BAIAP2: variants seen among roughly 807,000 people sequenced by gnomAD.
BAIAP2 encodes the protein BAR/IMD domain containing adaptor protein 2.
BAIAP2 carries 18 observed loss-of-function variants against 63.0 expected under a neutral mutation model. The observed-to-expected ratio is 0.29, with a 90% confidence interval of 0.20 to 0.42. BAIAP2 has a LOEUF of 0.42. Among genes scored for constraint, BAIAP2 ranks in the 10% least tolerant of loss-of-function variants. The probability of loss-of-function intolerance (pLI) is 1.00; values close to 1 mark genes in which losing one functional copy is unlikely to be tolerated. For missense variants in BAIAP2, 610 were observed against 734.3 expected (o/e 0.83, Z 1.96); for synonymous variants, 386 against 307.6 (o/e 1.25, Z -2.67).
At chr17:81,066,236 G>A (rs1390413216) in intron 3 of BAIAP2, among the ~76,000 whole-genome samples, 6 of 152,232 alleles carry the variant, frequency 3.9e-5, no homozygotes, top group East Asian at 1.9e-4. Context: ...CCTGCTGGGC[G>A]CACTGGGCCT....
chr17:81,092,336 G>A (rs1451502685), intron 6 of BAIAP2, among the ~76,000 whole-genome samples: 1 of 152,240 alleles, frequency 6.6e-6, no homozygotes, highest in Non-Finnish European at 1.5e-5. Flanking sequence ...CCACTGCCGG[G>A]CTCATTGTGT....
chr17:81,036,701 G>C (rs889304209), intron 1 of BAIAP2, among the ~76,000 whole-genome samples: 14 of 152,262 alleles, frequency 9.2e-5, no homozygotes, highest in Non-Finnish European at 1.8e-4. Flanking sequence ...TGAGGAGTCG[G>C]CTTGGGAAAG....
At position 81,106,115 on chromosome 17, in the gene BAIAP2, G is replaced by C; in HGVS notation, c.1306G>C (p.Asp436His). 6.3e-7 allele frequency: 1 copy of C among 1,584,804 alleles called. No homozygotes were observed. The highest frequency in any genetic ancestry group is 1.2e-5 in the South Asian group (1 of 86,840). ...WFPFSYTRVL[D>H]SDGSDRLHMS... ...TCCCTTCTCCTACACCCGGGTCTTG[G>C]ACAGCGATGGCAGTGACAGGCTGCA... Residue 436 changes from aspartate (D) to histidine (H), a missense_variant, in exon 11 of 14, where the codon GAC becomes CAC. Around this residue, in one of 5 missense-constraint regions of BAIAP2, gnomAD observed 29 missense variants for 23.2 expected, o/e 1.25. Transcript: ENST00000428708.
At chr17:81,080,927 C>A (rs1406116706) in intron 3 of BAIAP2, among the ~76,000 whole-genome samples, 1 of 152,228 alleles carries the variant, frequency 6.6e-6, no homozygotes, top group Non-Finnish European at 1.5e-5. Context: ...TGCTTCACCT[C>A]TTTGTGAACT....
At chr17:81,091,466 C>T (rs1046432393) in intron 6 of BAIAP2, among the ~76,000 whole-genome samples, 6 of 152,080 alleles carry the variant, frequency 3.9e-5, no homozygotes, top group African/African-American at 1.2e-4. Context: ...GAGTATAGTT[C>T]ACGGTGCCCC....
intron 1 of BAIAP2, among the ~76,000 whole-genome samples, chr17:81,048,110 A>G (rs2048102308): frequency 1.3e-5 from 2 of 152,172 alleles, no homozygotes; most frequent in Admixed American, 1.3e-4. Context: ...CCTGGCCGGG[A>G]GCAGTGGCTC....
chr17:81,067,210 G>C (rs577077633), intron 3 of BAIAP2, among the ~76,000 whole-genome samples: 1 of 152,242 alleles, frequency 6.6e-6, no homozygotes, highest in Non-Finnish European at 1.5e-5. Flanking sequence ...ACTCCGGCAG[G>C]GGTGCTCCAG....
chr17:81,064,811 GTT>G (rs1568102006), intron 3 of BAIAP2, among the ~76,000 whole-genome samples: 1 of 152,182 alleles, frequency 6.6e-6, no homozygotes, highest in Non-Finnish European at 1.5e-5. Flanking sequence ...GTCAGAGACT[GTT>G]TTTTCCCTGC....
intron 13 of BAIAP2, chr17:81,110,310 G>A (rs1269348479): frequency 3.5e-5 from 35 of 986,174 alleles, no homozygotes; most frequent in Admixed American, 6.1e-5. Flanking sequence ...ACCCTTCCGC[G>A]CCGGCGTTCC....
intron 6 of BAIAP2, among the ~76,000 whole-genome samples, chr17:81,093,368 C>T (rs1169365629): frequency 6.6e-6 from 1 of 151,990 alleles, no homozygotes; most frequent in African/African-American, 2.4e-5. Flanking sequence ...CTCACCACCT[C>T]CTGGGGCTTT....
In BAIAP2 at chr17:81,104,966, T is replaced by TC. The variant is rs755667602; in HGVS notation, c.1268+257dup. 95 of 444,048 alleles carry TC rather than the reference T, an allele frequency of 2.1e-4. 2 individuals carry two copies. The Middle Eastern group carries it at 2.4e-3, about 11-fold the overall frequency. The allele number at this position is 444,048 out of a possible 1,614,324, so 27.5% of individuals were successfully genotyped here. The stretch of plus-strand genomic sequence containing the variant: ...GGGGTCTTCCCCTACAGGAGGGATC[T>TC]CCCCCCAACAGCAGGGATCTCCCCC... On this transcript the variant is annotated intron_variant, in intron 10 of 13. Transcript: ENST00000428708.
At position 81,115,813 on chromosome 17, in the gene BAIAP2, G is replaced by A. The variant is rs546736073; in HGVS notation, c.1579G>A (p.Asp527Asn). Residue 527 changes from aspartate to asparagine, a missense_variant, in exon 14 of 14, where the codon GAC becomes AAC. Transcript: ENST00000428708. ...HVQLKPTVTN[D>N]RSAPLLS ...CCAGCTGAAGCCGACAGTGACCAAC[G>A]ACAGGTCTGCCCCCCTCCTCAGCTG... 27 of 1,613,502 alleles carry A rather than the reference G, an allele frequency of 1.7e-5. No individual in the cohort carries two copies. The highest frequency in any genetic ancestry group is 1.7e-4 in the Middle Eastern group (1 of 6,058).
chr17:81,070,669 T>C (rs1484666559), intron 3 of BAIAP2, among the ~76,000 whole-genome samples: 1 of 152,104 alleles, frequency 6.6e-6, no homozygotes, highest in Non-Finnish European at 1.5e-5. Context: ...TCGGGTTAGC[T>C]CAGCCCCCGC....
intron 3 of BAIAP2, among the ~76,000 whole-genome samples, chr17:81,063,524 C>T (rs1288510696): frequency 3.9e-5 from 6 of 152,250 alleles, no homozygotes; most frequent in South Asian, 4.1e-4. Flanking sequence ...TTCCACAAGG[C>T]CCCGTGGGGT....
intron 6 of BAIAP2, among the ~76,000 whole-genome samples, chr17:81,095,862 T>C (rs1035406299): frequency 1.3e-5 from 2 of 152,138 alleles, no homozygotes; most frequent in Admixed American, 1.3e-4. Context: ...ACCAACTCTC[T>C]TCCCGGCCAG....
In BAIAP2 at chr17:81,054,824, C is replaced by T. The variant is rs949836311; in HGVS notation, c.130+1081C>T. Among the ~76,000 whole-genome samples, 23 of 152,296 alleles carry T rather than the reference C, an allele frequency of 1.5e-4. 1 individual carries two copies. Among genetic ancestry groups the T allele is most frequent in the South Asian group, 6.2e-4 (3 of 4,832 alleles). ...GGCCTTGGGTGCACCTGGGTCTTTC[C>T]GTCCTGGTGGGGAGTGGCTTCCTTG... is the stretch of plus-strand genomic sequence containing the variant. On this transcript the variant is annotated intron_variant, in intron 2 of 13. Coordinates refer to ENST00000428708, the MANE Select transcript of BAIAP2 (RefSeq NM_001144888.2).
intron 1 of BAIAP2, among the ~76,000 whole-genome samples, chr17:81,050,088 AG>A (rs2048420955): frequency 6.6e-6 from 1 of 152,152 alleles, no homozygotes; most frequent in African/African-American, 2.4e-5. Flanking sequence ...AACCCGGAGG[AG>A]GGGTGGGTGG....
chr17:81,068,808 G>C (rs765874095), intron 3 of BAIAP2, among the ~76,000 whole-genome samples: 5 of 152,206 alleles, frequency 3.3e-5, no homozygotes, highest in Non-Finnish European at 7.3e-5. Flanking sequence ...GCCATATCTG[G>C]TTGCCAGTGT....
Position 81,078,266 on chromosome 17 carries a change from G to A in BAIAP2, c.218-6566G>A, listed in dbSNP as rs796730884. ...GGGTGCCGTATTGGGTGGGAGCCAG[G>A]CGCTGTGGGTGCAGGTTCCACCTCG... On this transcript the variant is annotated intron_variant, in intron 3 of 13. Transcript: ENST00000428708. Among the ~76,000 whole-genome samples the A allele has an allele frequency of 2.1e-4, 27 of 126,276 alleles. No individual in the cohort carries two copies. The East Asian group carries it at 3.1e-3, about 15-fold the overall frequency. The allele number at this position is 126,276 out of a possible 152,430, so 82.8% of individuals were successfully genotyped here.
Sources: allele counts gnomAD v4.1 joint callset (sites outside exome capture counted in the v4.1 genomes callset), GRCh38; gene constraint gnomAD v4.1.1; regional missense constraint gnomAD v4.1.1; transcripts MANE v1.5; gene names NCBI Gene and HGNC (gene_info 2026-07-23, HGNC 2026-07-21).